The following GRHPR variants were observed in gnomAD, a reference collection of about 807,000 sequenced individuals.
GRHPR encodes the protein glyoxylate and hydroxypyruvate reductase.
GRHPR carries 35 observed loss-of-function variants against 36.8 expected under a neutral mutation model. The ratio of observed to expected loss-of-function variants is 0.95; its 90% confidence interval spans 0.73 to 1.26. The LOEUF (loss-of-function observed/expected upper bound fraction) is 1.26. Among genes scored for constraint, GRHPR ranks in the 50% most tolerant of loss-of-function variants. GRHPR has a pLI of 0.00. For synonymous variants in GRHPR, 179 were observed against 181.0 expected (o/e 0.99, Z 0.09); for missense variants, 380 against 435.0 (o/e 0.87, Z 1.12).
intron 8 of GRHPR, chr9:37,433,805 C>T (rs1008809038): frequency 1.6e-5 from 6 of 364,860 alleles, no homozygotes; most frequent in Non-Finnish European, 2.9e-5. Flanking sequence ...GAGTTTATGC[C>T]TCCAGACTAA....
intron 5 of GRHPR, 185 bp downstream of exon 5, chr9:37,428,757 A>G (rs978452673): frequency 4.3e-6 from 3 of 698,686 alleles, no homozygotes; most frequent in African/African-American, 3.5e-5. Flanking sequence ...AAACCAAAGC[A>G]GGATTCCTTA....
chr9:37,430,730 TGTTGGTGA>T (rs779042491), intron 7 of GRHPR, 84 bp downstream of exon 7: 2 of 1,290,770 alleles, frequency 1.5e-6, no homozygotes, highest in South Asian at 2.4e-5. Flanking sequence ...CCCCGTGGGT[TGTTGGTGA>T]GACCCCAGGC....
chr9:37,425,291 C>T (rs1188931081), intron 2 of GRHPR, among the ~76,000 whole-genome samples: 7 of 152,260 alleles, frequency 4.6e-5, no homozygotes, highest in Non-Finnish European at 1.5e-5. Flanking sequence ...AAGACCCTGC[C>T]CCTTCTGGGC....
Position 37,436,650 on chromosome 9 carries a change from C to CTCCTT in GRHPR, c.866-7_866-3dup. The CTCCTT allele has an allele frequency of 1.2e-6, 2 of 1,613,764 alleles. No homozygotes were observed. The highest frequency in any genetic ancestry group is 1.7e-6 in the Non-Finnish European group (2 of 1,179,886). ...TTCTTATCTCCCTCTCTCTCTCTCTCTCCTTTCCAGTGATTCTGCCCCACA... is the reference window on the plus strand; with the variant it reads ...TTCTTATCTCCCTCTCTCTCTCTCTCTCCTTTCCTTTCCAGTGATTCTGCCCCACA... On this transcript the variant is annotated splice_polypyrimidine_tract_variant and intron_variant, in intron 8 of 8. Transcript: ENST00000318158.
rs748805098 is a variant in GRHPR, at chr9:37,422,741, T to G, written c.-10T>G. On this transcript the variant is annotated 5_prime_UTR_variant, in exon 1 of 9. Coordinates refer to ENST00000318158, the MANE Select transcript of GRHPR (RefSeq NM_012203.2). ...GTACTGCCAGGTCCGGGTCGGCGGCTGCACTGCGGATGAGACCGGTGCGAC... is the reference window on the plus strand; with the variant it reads ...GTACTGCCAGGTCCGGGTCGGCGGCGGCACTGCGGATGAGACCGGTGCGAC... 41 of 1,571,640 alleles carry G rather than the reference T, an allele frequency of 2.6e-5. No individual in the cohort carries two copies. The highest frequency in any genetic ancestry group is 3.0e-5 in the Non-Finnish European group (35 of 1,159,364).
Position 37,429,718 on chromosome 9 carries a change from T to C in GRHPR, c.494-14T>C. ...GCGGGACTGGGAACGAGACATGGAC[T>C]CTCCTTGCTCTAGGCCAGGCCATTG... On this transcript the variant is annotated splice_polypyrimidine_tract_variant and intron_variant, in intron 5 of 8. Coordinates refer to ENST00000318158, the MANE Select transcript of GRHPR (RefSeq NM_012203.2). 1 of 1,568,294 alleles carries C rather than the reference T, an allele frequency of 6.4e-7. No homozygotes were observed. The highest frequency in any genetic ancestry group is 1.7e-4 in the Middle Eastern group (1 of 5,980).
chr9:37,434,836 A>G (rs1452984397), intron 8 of GRHPR: 1 of 152,328 alleles, frequency 6.6e-6, no homozygotes, highest in African/African-American at 2.4e-5. Context: ...GAATTCTCCT[A>G]GATGGCCCTG....
At chr9:37,428,612 A>T (rs1823199812) in intron 5 of GRHPR, 40 bp downstream of exon 5, 3 of 1,376,180 alleles carry the variant, frequency 2.2e-6, no homozygotes, top group Admixed American at 1.7e-5. Context: ...CCCGGCTCTC[A>T]CAGCGTGGTT....
At chr9:37,439,057 T>G (rs1283839451), downstream of GRHPR, 1 of 152,224 alleles carries the variant, frequency 6.6e-6, no homozygotes, top group East Asian at 1.9e-4. Flanking sequence ...GAATGATGGT[T>G]TGGTATGTCT....
chr9:37,424,724 C>T, intron 1 of GRHPR, 121 bp from the exon 2 acceptor site: 1 of 1,158,824 alleles, frequency 8.6e-7, no homozygotes, highest in Non-Finnish European at 1.2e-6. Context: ...GACCCTGCCT[C>T]CCCTCAGCCA....
downstream of GRHPR, chr9:37,438,309 G>GAAACT (rs1385381150): frequency 6.6e-6 from 1 of 152,582 alleles, no homozygotes; most frequent in African/African-American, 2.4e-5. Flanking sequence ...AATCCAGGTA[G>GAAACT]AAACTACAGA....
chr9:37,428,342 T>C, intron 4 of GRHPR, 142 bp from the exon 5 acceptor site: 1 of 715,764 alleles, frequency 1.4e-6, no homozygotes, highest in East Asian at 2.6e-5. Context: ...CAGTGCCGAG[T>C]GGCAGTGCCT....
chr9:37,432,308 G>C (rs1190150814), intron 8 of GRHPR, 170 bp downstream of exon 8: 1 of 665,266 alleles, frequency 1.5e-6, no homozygotes, highest in Non-Finnish European at 2.8e-6. Context: ...TGTATGACAG[G>C]AGCAGTCCTC....
intron 1 of GRHPR, among the ~76,000 whole-genome samples, 169 bp downstream of exon 1, chr9:37,423,002 G>T (rs1321860092): frequency 2.0e-5 from 3 of 152,170 alleles, no homozygotes; most frequent in Non-Finnish European, 4.4e-5. Context: ...GCTGGGACCT[G>T]CAGTTCCGGC....
At chr9:37,437,132 A>C, downstream of GRHPR, 2 of 320,998 alleles carry the variant, frequency 6.2e-6, no homozygotes, top group Admixed American at 4.2e-5. Context: ...TGCTATAACC[A>C]CTCTTTTTAA....
Position 37,429,846 on chromosome 9 carries a change from G to C in GRHPR, c.598+10G>C, listed in dbSNP as rs1373584279. The stretch of plus-strand genomic sequence containing the variant: ...TTCCAGGCAGAGTTTGGTAAGTGAA[G>C]CCTTGATTTCCACAGGAGCCTATCT... On this transcript the variant is annotated intron_variant, in intron 6 of 8. Coordinates refer to ENST00000318158, the MANE Select transcript of GRHPR (RefSeq NM_012203.2). 6.8e-7 allele frequency: 1 copy of C among 1,474,118 alleles called. No homozygotes were observed. Among genetic ancestry groups the C allele is most frequent in the African/African-American group, 1.4e-5 (1 of 72,576 alleles). The allele number at this position is 1,474,118 out of a possible 1,614,324, so 91.3% of individuals were successfully genotyped here. A position where few individuals can be genotyped will look rare whatever the true frequency, so the allele number is the denominator to read the frequency against.
intron 1 of GRHPR, among the ~76,000 whole-genome samples, 175 bp from the exon 2 acceptor site, chr9:37,424,670 C>G (rs1822989603): frequency 1.3e-5 from 2 of 152,118 alleles, no homozygotes; most frequent in Admixed American, 6.5e-5. Flanking sequence ...AGCCCTTCAC[C>G]TGTCACCTGC....
chr9:37,437,559 C>T (rs1342603099), downstream of GRHPR, among the ~76,000 whole-genome samples: 2 of 152,146 alleles, frequency 1.3e-5, no homozygotes, highest in Non-Finnish European at 2.9e-5. Flanking sequence ...TAGGTAAGGA[C>T]GTAACTCTTA....
In GRHPR at chr9:37,431,758, T is replaced by TGAGACACAGATAATTC. The variant is rs375100361; in HGVS notation, c.735-246_735-231dup. 803 of 453,626 alleles carry TGAGACACAGATAATTC rather than the reference T, an allele frequency of 1.8e-3. 4 individuals carry two copies. Among genetic ancestry groups the TGAGACACAGATAATTC allele is most frequent in the African/African-American group, 0.015 (731 of 50,318 alleles). The allele number at this position is 453,626 out of a possible 1,614,324, so 28.1% of individuals were successfully genotyped here. A position where few individuals can be genotyped will look rare whatever the true frequency, so the allele number is the denominator to read the frequency against. Reference sequence around the variant, plus strand: ...TCCTTATCTCACAGAGTAGATAATTTGAGACACAGATAATTCGAGGCACAG... The same window carrying TGAGACACAGATAATTC: ...TCCTTATCTCACAGAGTAGATAATTTGAGACACAGATAATTCGAGACACAGATAATTCGAGGCACAG... On this transcript the variant is annotated intron_variant, in intron 7 of 8. Transcript: ENST00000318158.
Sources: allele counts gnomAD v4.1 joint callset (sites outside exome capture counted in the v4.1 genomes callset), GRCh38; gene constraint gnomAD v4.1.1; transcripts MANE v1.5; gene names NCBI Gene and HGNC (gene_info 2026-07-23, HGNC 2026-07-21).